The following GPC5 variants were observed in gnomAD, a reference collection of about 807,000 sequenced individuals.
GPC5 encodes the protein glypican 5, also known as glypican-5.
Under a neutral mutation model 53.9 loss-of-function variants are expected in GPC5, and 47 were observed. The ratio of observed to expected loss-of-function variants is 0.87; its 90% CI spans 0.69 to 1.11. GPC5 has a LOEUF of 1.11. Ranked by LOEUF, GPC5 falls within the 50% of genes most tolerant of loss-of-function variation. The probability of loss-of-function intolerance (pLI) is 0.00; values close to 1 mark genes in which losing one functional copy is unlikely to be tolerated. For synonymous variants in GPC5, 286 were observed against 263.3 expected (o/e 1.09, Z -0.84); for missense variants, 748 against 713.1 (o/e 1.05, Z -0.56).
chr13:91,992,288 C>T (rs66938246), intron 6 of GPC5, among the ~76,000 whole-genome samples: 24,940 of 151,860 alleles, frequency 0.16, 4,232 homozygotes, highest in African/African-American at 0.43. Context: ...CCACCTCAGC[C>T]GCCAAAAATA....
At chr13:91,432,209 GTGT>G (rs1210900942) in intron 1 of GPC5, among the ~76,000 whole-genome samples, 68 of 105,696 alleles carry the variant, frequency 6.4e-4, no homozygotes, top group East Asian at 1.4e-3. Flanking sequence ...GCTGCTGTGT[GTGT>G]GTGTGTGTGT....
chr13:92,497,142 C>G (rs1880009400), intron 7 of GPC5, among the ~76,000 whole-genome samples: 1 of 152,116 alleles, frequency 6.6e-6, no homozygotes, highest in Non-Finnish European at 1.5e-5. Context: ...GCTTTTGTTG[C>G]AATTGCTTTT....
At chr13:92,680,273 T>C (rs1594414668) in intron 7 of GPC5, among the ~76,000 whole-genome samples, 1 of 152,284 alleles carries the variant, frequency 6.6e-6, no homozygotes, top group South Asian at 2.1e-4. Flanking sequence ...CACTTAATTT[T>C]CCTGCCATGT....
chr13:92,112,099 G>A (rs997786465), intron 6 of GPC5, among the ~76,000 whole-genome samples: 2 of 152,110 alleles, frequency 1.3e-5, no homozygotes, highest in African/African-American at 4.8e-5. Context: ...ATAAGTTAGT[G>A]TTACACAAAG....
intron 7 of GPC5, among the ~76,000 whole-genome samples, chr13:92,420,914 C>T (rs1024459168): frequency 6.6e-6 from 1 of 152,130 alleles, no homozygotes; most frequent in South Asian, 2.1e-4. Context: ...TAAGTTGTTT[C>T]CAAATTTTGG....
intron 7 of GPC5, among the ~76,000 whole-genome samples, chr13:92,434,962 T>C (rs1877243407): frequency 6.6e-6 from 1 of 152,238 alleles, no homozygotes; most frequent in Non-Finnish European, 1.5e-5. Context: ...TCACCCAGGC[T>C]GGAGGGCAGT....
At chr13:91,629,649 T>C (rs900995967) in intron 2 of GPC5, among the ~76,000 whole-genome samples, 4 of 152,020 alleles carry the variant, frequency 2.6e-5, no homozygotes, top group African/African-American at 4.8e-5. Context: ...ATCTCAAAAA[T>C]ATGTATATAT....
At chr13:91,456,632 G>A (rs1291550880) in intron 2 of GPC5, among the ~76,000 whole-genome samples, 2 of 151,942 alleles carry the variant, frequency 1.3e-5, no homozygotes, top group Non-Finnish European at 2.9e-5. Context: ...AAATTGTAAT[G>A]TAAGCATTGT....
intron 6 of GPC5, among the ~76,000 whole-genome samples, chr13:92,005,912 T>A (rs1042929322): frequency 6.6e-6 from 1 of 152,216 alleles, no homozygotes; most frequent in African/African-American, 2.4e-5. Context: ...GGGAGAAAAG[T>A]ATCCTCAAGC....
intron 7 of GPC5, among the ~76,000 whole-genome samples, chr13:92,765,796 G>T (rs1193503266): frequency 6.6e-6 from 1 of 151,798 alleles, no homozygotes; most frequent in Non-Finnish European, 1.5e-5. Flanking sequence ...CCTTTTAAGG[G>T]GCCAGATAGT....
intron 2 of GPC5, among the ~76,000 whole-genome samples, chr13:91,604,222 G>A (rs1361789618): frequency 2.1e-5 from 3 of 142,778 alleles, no homozygotes; most frequent in African/African-American, 8.0e-5. Context: ...TTGTTCTTGC[G>A]ATAGTTTACT....
chr13:92,794,940 G>A lies in GPC5; in HGVS notation c.1562-71342G>A, dbSNP rs146064520. 3.5e-3 allele frequency among the ~76,000 whole-genome samples: 530 copies of A among 152,138 alleles called. 3 individuals carry two copies. The highest frequency in any genetic ancestry group is 0.012 in the African/African-American group (492 of 41,516). On this transcript the variant is annotated intron_variant, in intron 7 of 7. Coordinates refer to ENST00000377067, the MANE Select transcript of GPC5 (RefSeq NM_004466.6). ...CTCACGTATATGAAGAATCAATATCGTGCAAATGACCATACTGCCCTAGGT... is the reference window on the plus strand; with the variant it reads ...CTCACGTATATGAAGAATCAATATCATGCAAATGACCATACTGCCCTAGGT...
At chr13:91,620,516 T>A (rs1240653549) in intron 2 of GPC5, among the ~76,000 whole-genome samples, 1 of 152,160 alleles carries the variant, frequency 6.6e-6, no homozygotes, top group Non-Finnish European at 1.5e-5. Context: ...ATCACCATCA[T>A]ATGGCAACCA....
chr13:91,409,075 A>C (rs1877533135), intron 1 of GPC5, among the ~76,000 whole-genome samples: 2 of 152,202 alleles, frequency 1.3e-5, no homozygotes, highest in Admixed American at 6.5e-5. Context: ...ATATCAAATT[A>C]CTTGTGCAGA....
At chr13:91,775,407 A>C (rs553388407) in intron 5 of GPC5, among the ~76,000 whole-genome samples, 1 of 152,206 alleles carries the variant, frequency 6.6e-6, no homozygotes, top group South Asian at 2.1e-4. Context: ...TAACCTATCG[A>C]TCTGCTACCT....
chr13:92,001,449 A>G (rs1594716545), intron 6 of GPC5, among the ~76,000 whole-genome samples: 1 of 152,248 alleles, frequency 6.6e-6, no homozygotes, highest in African/African-American at 2.4e-5. Flanking sequence ...TGAGCAATTA[A>G]AAAAATACTA....
At chr13:92,230,339 TTAAAGA>T (rs1429738852) in intron 7 of GPC5, among the ~76,000 whole-genome samples, 2 of 152,194 alleles carry the variant, frequency 1.3e-5, no homozygotes, top group African/African-American at 2.4e-5. Flanking sequence ...CTTTTAAAAG[TTAAAGA>T]TAAAGGTAGT....
At chr13:92,780,197 A>T (rs2041758696) in intron 7 of GPC5, among the ~76,000 whole-genome samples, 2 of 151,950 alleles carry the variant, frequency 1.3e-5, no homozygotes, top group African/African-American at 4.8e-5. Flanking sequence ...TTATCATTTA[A>T]AACTCTTCTT....
chr13:92,146,150 C>A (rs1369006252), intron 7 of GPC5, among the ~76,000 whole-genome samples: 1 of 152,076 alleles, frequency 6.6e-6, no homozygotes, highest in Non-Finnish European at 1.5e-5. Flanking sequence ...AGCCTTTGAA[C>A]AAAAGGCCAC....
Sources: gnomAD v4.1 joint callset for allele counts (sites outside exome capture counted in the v4.1 genomes callset) on GRCh38, gnomAD v4.1.1 for gene constraint, MANE v1.5 for transcripts, NCBI Gene and HGNC (gene_info 2026-07-23, HGNC 2026-07-21) for gene names.